The following ITGB6 variants were observed in gnomAD, a reference collection of about 807,000 sequenced individuals.
ITGB6 encodes integrin beta-6.
ITGB6 carries 80 observed loss-of-function variants against 84.5 expected under a neutral mutation model. That is an observed-to-expected ratio of 0.95 (90% confidence interval 0.79 to 1.14). ITGB6 has a LOEUF of 1.14. ITGB6 is among the 50% of genes most tolerant of loss of function. The pLI is 0.00. For missense variants in ITGB6, 1,006 were observed against 968.0 expected (o/e 1.04, Z -0.52); for synonymous variants, 383 against 354.9 (o/e 1.08, Z -0.89).
chr2:160,119,759 C>A (rs1362776547), intron 12 of ITGB6, among the ~76,000 whole-genome samples: 1 of 151,998 alleles, frequency 6.6e-6, no homozygotes, highest in East Asian at 1.9e-4. Context: ...ATTTTCGCAA[C>A]CTACTCATCT....
At chr2:160,197,832 G>A in intron 2 of ITGB6, among the ~76,000 whole-genome samples, 1 of 152,220 alleles carries the variant, frequency 6.6e-6, no homozygotes, top group East Asian at 1.9e-4. Context: ...CAGAGGTGGT[G>A]TTAACCACAT....
At chr2:160,172,843 T>G in intron 5 of ITGB6, 113 bp from the exon 6 acceptor site, 1 of 724,476 alleles carries the variant, frequency 1.4e-6, no homozygotes, top group Non-Finnish European at 2.3e-6. Context: ...TGCTAGTCTA[T>G]TTTAGCCTTT....
chr2:160,106,996 A>G (rs974273819), intron 14 of ITGB6, among the ~76,000 whole-genome samples: 2 of 152,200 alleles, frequency 1.3e-5, no homozygotes, highest in Admixed American at 6.5e-5. Context: ...GGGTCTCTAG[A>G]AATGTAATTA....
chr2:160,152,137 A>T (rs1410688780), intron 7 of ITGB6, among the ~76,000 whole-genome samples: 1 of 152,186 alleles, frequency 6.6e-6, no homozygotes, highest in African/African-American at 2.4e-5. Flanking sequence ...TGGCAGAGAC[A>T]CAACAAAAAA....
At chr2:160,153,646 C>T (rs13414434) in intron 7 of ITGB6, among the ~76,000 whole-genome samples, 32,022 of 151,994 alleles carry the variant, frequency 0.21, 4,314 homozygotes, top group Middle Eastern at 0.38. Context: ...TCAGAGTGAA[C>T]AGGCAACCTA....
At chr2:160,177,093 GT>G (rs869133486) in intron 4 of ITGB6, among the ~76,000 whole-genome samples, 2 of 151,272 alleles carry the variant, frequency 1.3e-5, no homozygotes, top group Middle Eastern at 3.2e-3. Flanking sequence ...TGGCATCATT[GT>G]TTTTTTTAAA....
chr2:160,131,981 A>T (rs1683487376), intron 10 of ITGB6, among the ~76,000 whole-genome samples: 1 of 152,182 alleles, frequency 6.6e-6, no homozygotes, highest in Admixed American at 6.5e-5. Context: ...TTGATCCAAG[A>T]TTTAAAGGGT....
At chr2:160,136,948 GT>G (rs1401272427) in intron 10 of ITGB6, among the ~76,000 whole-genome samples, 194 of 151,292 alleles carry the variant, frequency 1.3e-3, no homozygotes, top group African/African-American at 4.6e-3. Flanking sequence ...TATACCTAAT[GT>G]TAAATGATGA....
chr2:160,115,219 C>T lies in ITGB6; in HGVS notation c.1982-3020G>A, dbSNP rs186355576. On this transcript the variant is annotated intron_variant, in intron 12 of 14. Coordinates refer to ENST00000283249, the MANE Select transcript of ITGB6 (RefSeq NM_000888.5). ...CCTCCTCAAGTGGGTCCCTGACCCC[C>T]GAACAGCCTAACTGGGAGGCACCCC... Among the ~76,000 whole-genome samples, 398 of 151,672 alleles carry T rather than the reference C, an allele frequency of 2.6e-3. 12 individuals carry two copies. In the East Asian group the frequency reaches 0.056, roughly 21 times the overall value.
In ITGB6 at chr2:160,101,718, T is replaced by C. The variant is rs748029149; in HGVS notation, c.*18A>G. On this transcript the variant is annotated 3_prime_UTR_variant, in exon 15 of 15. Coordinates refer to ENST00000283249, the MANE Select transcript of ITGB6 (RefSeq NM_000888.5). Reference sequence around the variant, plus strand: ...TTTCATATCAGTGAAACAGACTTTTTTCATGCATAAAGTAGTTCTAGCAAT... The same window carrying C: ...TTTCATATCAGTGAAACAGACTTTTCTCATGCATAAAGTAGTTCTAGCAAT... 6.0e-6 allele frequency: 8 copies of C among 1,326,854 alleles called. No individual in the cohort carries two copies. Among genetic ancestry groups the C allele is most frequent in the African/African-American group, 1.4e-5 (1 of 69,240 alleles). 82.2% of individuals were successfully genotyped at this position (1,326,854 alleles called of 1,614,324 possible).
At chr2:160,172,493 C>G in intron 6 of ITGB6, 76 bp downstream of exon 6, 1 of 1,322,048 alleles carries the variant, frequency 7.6e-7, no homozygotes, top group Non-Finnish European at 1.0e-6. Context: ...TATGTTATTT[C>G]ACATGTATTA....
At chr2:160,142,188 C>A (rs992431323) in intron 7 of ITGB6, 117 bp from the exon 8 acceptor site, 3 of 614,558 alleles carry the variant, frequency 4.9e-6, no homozygotes, top group East Asian at 3.0e-5. Flanking sequence ...AAAACAGGTT[C>A]GTGATAACAA....
At chr2:160,196,516 G>T in intron 2 of ITGB6, 96 bp from the exon 3 acceptor site, 2 of 1,013,024 alleles carry the variant, frequency 2.0e-6, no homozygotes, top group Non-Finnish European at 2.9e-6. Context: ...TGCACAATTT[G>T]CTAGTTAAGC....
At chr2:160,138,642 T>C (rs1683869099) in intron 8 of ITGB6, among the ~76,000 whole-genome samples, 1 of 152,238 alleles carries the variant, frequency 6.6e-6, no homozygotes. Context: ...ATGTGTATCA[T>C]GATTTCTTAG....
intron 12 of ITGB6, among the ~76,000 whole-genome samples, chr2:160,118,913 C>A (rs1261664111): frequency 6.6e-6 from 1 of 152,104 alleles, no homozygotes; most frequent in Non-Finnish European, 1.5e-5. Context: ...CTCCCATTCA[C>A]AATTGCTTCA....
At chr2:160,114,937 G>A (rs1421687140) in intron 12 of ITGB6, among the ~76,000 whole-genome samples, 1 of 152,236 alleles carries the variant, frequency 6.6e-6, no homozygotes, top group Non-Finnish European at 1.5e-5. Flanking sequence ...AGGCGGCAGC[G>A]AGGCTGGGGG....
intron 7 of ITGB6, among the ~76,000 whole-genome samples, chr2:160,162,851 C>A (rs564660486): frequency 2.4e-4 from 36 of 152,172 alleles, no homozygotes; most frequent in Non-Finnish European, 4.0e-4. Context: ...AACTCCTGAC[C>A]TCAGGTGATC....
intron 4 of ITGB6, among the ~76,000 whole-genome samples, chr2:160,180,230 A>C (rs965749671): frequency 6.6e-6 from 1 of 152,328 alleles, no homozygotes; most frequent in African/African-American, 2.4e-5. Flanking sequence ...TAACAGGGTG[A>C]AATAAATTTT....
chr2:160,118,791 T>A (rs1387290319), intron 12 of ITGB6, among the ~76,000 whole-genome samples: 1 of 152,042 alleles, frequency 6.6e-6, no homozygotes, highest in East Asian at 1.9e-4. Flanking sequence ...AAAATCTCCT[T>A]AAGCTGATAA....
Sources: allele counts gnomAD v4.1 joint callset (sites outside exome capture counted in the v4.1 genomes callset), GRCh38; gene constraint gnomAD v4.1.1; transcripts MANE v1.5; gene names NCBI Gene and HGNC (gene_info 2026-07-23, HGNC 2026-07-21).